The following FHIP1B variants were observed in gnomAD, a reference collection of about 807,000 sequenced individuals.
The protein encoded by FHIP1B is FHF complex subunit HOOK interacting protein 1B, also known as FHF complex subunit HOOK-interacting protein 1B.
Under a neutral mutation model 82.2 loss-of-function variants are expected in FHIP1B, and 28 were observed. That is an observed-to-expected ratio of 0.34 (90% CI 0.25 to 0.47). The LOEUF (loss-of-function observed/expected upper bound fraction) is 0.47, where lower values mean the gene tolerates loss of function less well. Ranked by LOEUF, FHIP1B falls within the 20% of genes least tolerant of loss-of-function variation. The pLI, the probability that FHIP1B is intolerant of heterozygous loss-of-function variation, is 1.00. For synonymous variants in FHIP1B, 585 were observed against 516.1 expected (o/e 1.13, Z -1.81); for missense variants, 1,110 against 1,262.6 (o/e 0.88, Z 1.83).
rs1341581345 is a variant in FHIP1B at position 6,217,770 on chromosome 11, C to T, written c.1816G>A (p.Val606Met). Reference protein sequence around the residue: ...SLLPEEDRNNVGEGEEEELGR... With the variant: ...SLLPEEDRNNMGEGEEEELGR... ...AGCTCTTCCTCCTCCCCTTCCCCCA[C>T]GTTGTTCCTGTCCTCCTCAGGCAGT... The change falls in exon 9 of 12, where the codon GTG (valine) becomes ATG (methionine). Residue 606 changes from valine to methionine, a missense_variant. Physicochemically the swap from Val to Met is conservative, Grantham distance 21. Transcript: ENST00000449352. The T allele has an allele frequency of 7.5e-6, 12 of 1,608,668 alleles. No individual in the cohort carries two copies. The highest frequency in any genetic ancestry group is 5.4e-5 in the African/African-American group (4 of 74,754).
chr11:6,229,607 A>G lies in FHIP1B; in HGVS notation c.-191-4900T>C, dbSNP rs144446174. Among the ~76,000 whole-genome samples the G allele has an allele frequency of 7.8e-3, 1,189 of 152,318 alleles. 9 individuals are homozygous for G. The highest frequency in any genetic ancestry group is 0.017 in the Middle Eastern group (5 of 294). On this transcript the variant is annotated intron_variant, in intron 1 of 11. Coordinates refer to ENST00000449352, the MANE Select transcript of FHIP1B (RefSeq NM_001098794.2). ...CCTCCAGCTTCTGGAATTTAATTTC[A>G]AACATTAACTGCTCCTACCTTGCAG...
intron 1 of FHIP1B, among the ~76,000 whole-genome samples, chr11:6,231,323 T>C (rs917219611): frequency 1.3e-5 from 2 of 152,068 alleles, no homozygotes; most frequent in African/African-American, 4.8e-5. Context: ...GTCGGGCTTT[T>C]GGGGCAAAGA....
intron 6 of FHIP1B, among the ~76,000 whole-genome samples, chr11:6,221,086 T>C (rs1847393207): frequency 6.6e-6 from 1 of 152,172 alleles, no homozygotes; most frequent in Non-Finnish European, 1.5e-5. Context: ...GTTGTAGTTG[T>C]TAGTTGTCAT....
rs1229437085 is a variant in FHIP1B at position 6,218,993 on chromosome 11, C to A, written c.1249G>T (p.Val417Phe). ...TACCTGAGAACCAGCTGCAGCAGGA[C>A]ATCCTCACAGCTGAGGTTCAGGAGG... ...RTLLNLSCED[V>F]LLQLVLRYLV... The change falls in exon 7 of 12, where the codon GTC becomes TTC. Residue 417 changes from valine (V) to phenylalanine (F), a missense_variant. Val to Phe is a conservative substitution (Grantham distance 50, BLOSUM62 -1). This residue lies in a region of FHIP1B where 467 missense variants were observed against 602.9 expected (regional missense o/e 0.77). Coordinates refer to ENST00000449352, the MANE Select transcript of FHIP1B (RefSeq NM_001098794.2). 6.2e-7 allele frequency: 1 copy of A among 1,613,844 alleles called. No homozygotes were observed. The highest frequency in any genetic ancestry group is 2.2e-5 in the East Asian group (1 of 44,880).
At chr11:6,218,845 T>C in intron 7 of FHIP1B, 82 bp from the exon 8 acceptor site, 2 of 1,575,802 alleles carry the variant, frequency 1.3e-6, no homozygotes, top group African/African-American at 1.3e-5. Flanking sequence ...CCAATGAAAC[T>C]GCATGGTTAA....
Position 6,224,097 on chromosome 11 carries a change from A to G in FHIP1B, c.290T>C (p.Leu97Pro), listed in dbSNP as rs1847495270. ...PSAPTGPGPL[L>P]EFALHEDLLT... is the part of the protein sequence containing the mutation. Reference sequence around the variant, plus strand: ...CAGATCCTCGTGCAGAGCAAACTCCAGCAGGGGCCCAGGGCCTGTGGGGGC... The same window carrying G: ...CAGATCCTCGTGCAGAGCAAACTCCGGCAGGGGCCCAGGGCCTGTGGGGGC... The change falls in exon 3 of 12, where the codon CTG (leucine) becomes CCG (proline). Residue 97 changes from leucine (L) to proline (P), a missense_variant. By Grantham distance (98) the Leu-to-Pro change is moderately conservative. Coordinates refer to ENST00000449352, the MANE Select transcript of FHIP1B (RefSeq NM_001098794.2). 6.2e-7 allele frequency: 1 copy of G among 1,613,884 alleles called. No individual in the cohort carries two copies. The highest frequency in any genetic ancestry group is 8.5e-7 in the Non-Finnish European group (1 of 1,179,942).
Position 6,230,047 on chromosome 11 carries a change from G to C in FHIP1B, c.-192+4497C>G, listed in dbSNP as rs182450214. On this transcript the variant is annotated intron_variant, in intron 1 of 11. Coordinates refer to ENST00000449352, the MANE Select transcript of FHIP1B (RefSeq NM_001098794.2). ...TTCAGGCTCAGCCACAGAGTAAAAA[G>C]GGGAACGAGCTGATCTCTCAGACCC... Among the ~76,000 whole-genome samples the C allele has an allele frequency of 4.2e-3, 630 of 150,704 alleles. 4 individuals are homozygous for C. Among genetic ancestry groups the C allele is most frequent in the African/African-American group, 0.014 (593 of 40,972 alleles).
intron 6 of FHIP1B, among the ~76,000 whole-genome samples, chr11:6,220,985 A>G (rs531929777): frequency 3.3e-5 from 5 of 152,218 alleles, no homozygotes; most frequent in African/African-American, 1.2e-4. Context: ...CAAGGCATCT[A>G]TCATGATTAC....
chr11:6,218,542 A>G, intron 8 of FHIP1B, 58 bp downstream of exon 8: 7 of 1,606,918 alleles, frequency 4.4e-6, no homozygotes, highest in Non-Finnish European at 6.0e-6. Flanking sequence ...ACGCTCCCCC[A>G]GAACCTAGGC....
In FHIP1B at chr11:6,218,719, G is replaced by A. The variant is rs1278741916; in HGVS notation, c.1316C>T (p.Ala439Val). The stretch of plus-strand genomic sequence containing the variant: ...TCCATATAGGTCCACATCACGAACA[G>A]CCGGCTTCTGGCTCAGCATAACGTG... ...CNHVMLSQKP[A>V]VRDVDLYGRA... Residue 439 changes from alanine to valine, a missense_variant, in exon 8 of 12, where the codon GCT (alanine) becomes GTT (valine). Physicochemically the swap from Ala to Val is moderately conservative, Grantham distance 64. Transcript: ENST00000449352. 6.2e-7 allele frequency: 1 copy of A among 1,614,146 alleles called. No homozygotes were observed. The highest frequency in any genetic ancestry group is 8.5e-7 in the Non-Finnish European group (1 of 1,180,030).
At chr11:6,217,158 T>C in intron 9 of FHIP1B, 1 of 705,278 alleles carries the variant, frequency 1.4e-6, no homozygotes, top group Non-Finnish European at 2.6e-6. Context: ...TGTAAGTCAA[T>C]ACTCAAACCA....
rs376693585 is a variant in FHIP1B, at chr11:6,219,054, G to C, written c.1192-4C>G. 1 of 1,608,592 alleles carries C rather than the reference G, an allele frequency of 6.2e-7. No individual in the cohort carries two copies. The highest frequency in any genetic ancestry group is 8.5e-7 in the Non-Finnish European group (1 of 1,176,292). On this transcript the variant is annotated splice_region_variant and splice_polypyrimidine_tract_variant and intron_variant, in intron 6 of 11. Coordinates refer to ENST00000449352, the MANE Select transcript of FHIP1B (RefSeq NM_001098794.2). ...GACTCAGAGAGACCATGCAGAGCTG[G>C]GGGGGTGGAGGGGAGGGAGGGAGTC... is the stretch of plus-strand genomic sequence containing the variant.
intron 9 of FHIP1B, 51 bp downstream of exon 9, chr11:6,217,320 G>T (rs758886166): frequency 2.6e-6 from 4 of 1,534,122 alleles, no homozygotes; most frequent in Non-Finnish European, 3.6e-6. Flanking sequence ...CAAACATGTC[G>T]AGAACATGCA....
At chr11:6,225,122 A>G (rs1307974151) in intron 1 of FHIP1B, among the ~76,000 whole-genome samples, 1 of 152,212 alleles carries the variant, frequency 6.6e-6, no homozygotes, top group South Asian at 2.1e-4. Flanking sequence ...ATATTTTTAA[A>G]ACCTAAATTA....
intron 8 of FHIP1B, 174 bp downstream of exon 8, chr11:6,218,426 G>T: frequency 9.7e-7 from 1 of 1,027,052 alleles, no homozygotes; most frequent in Non-Finnish European, 1.4e-6. Context: ...AATTTTCTTT[G>T]GTGAGTGTTA....
rs748383903 is a variant in FHIP1B, at chr11:6,223,190, T to C, written c.826A>G (p.Ile276Val). Residue 276 changes from isoleucine (I) to valine (V), a missense_variant, in exon 4 of 12, where the codon ATT becomes GTT. Coordinates refer to ENST00000449352, the MANE Select transcript of FHIP1B (RefSeq NM_001098794.2). The surrounding 1 kb of genome is among the most constrained non-coding windows in gnomAD (Gnocchi z 4.8). ...TGCCAATCATCCCCTGGAACCTCAA[T>C]CTTTCGAGGCAGTGATGAGTACAGG... is the stretch of plus-strand genomic sequence containing the variant. ...SALYSSLPRK[I>V]EVPGDDWHCL... The C allele has an allele frequency of 1.9e-6, 3 of 1,606,560 alleles. No homozygotes were observed. The highest frequency in any genetic ancestry group is 2.5e-6 in the Non-Finnish European group (3 of 1,178,260).
intron 11 of FHIP1B, among the ~76,000 whole-genome samples, 167 bp downstream of exon 11, chr11:6,214,244 C>G (rs1847158903): frequency 6.6e-6 from 1 of 152,146 alleles, no homozygotes; most frequent in Non-Finnish European, 1.5e-5. Flanking sequence ...ATAGATAGAA[C>G]TATGTTCTGT....
intron 1 of FHIP1B, among the ~76,000 whole-genome samples, chr11:6,232,250 G>T (rs1847717819): frequency 6.6e-6 from 1 of 152,098 alleles, no homozygotes; most frequent in African/African-American, 2.4e-5. Flanking sequence ...TTATAACAAG[G>T]ATTTAGACAG....
chr11:6,215,905 G>A (rs1012105991), intron 9 of FHIP1B, among the ~76,000 whole-genome samples: 5 of 152,130 alleles, frequency 3.3e-5, no homozygotes, highest in Non-Finnish European at 5.9e-5. Flanking sequence ...TGAAAAAGAT[G>A]CTAAAACATT....
Sources: gnomAD v4.1 joint callset for allele counts (sites outside exome capture counted in the v4.1 genomes callset) on GRCh38, gnomAD v4.1.1 for gene constraint, gnomAD v4.1.1 regional missense constraint, Gnocchi (gnomAD v3.1) non-coding constraint, MANE v1.5 for transcripts, NCBI Gene and HGNC (gene_info 2026-07-23, HGNC 2026-07-21) for gene names.